The following PACRG variants were observed in gnomAD, a reference collection of about 807,000 sequenced individuals.
The protein encoded by PACRG is parkin coregulated.
Under a neutral mutation model 29.7 loss-of-function variants are expected in PACRG, and 29 were observed. That is an observed-to-expected ratio of 0.98 (90% CI 0.73 to 1.33). The LOEUF is 1.33. Ranked by LOEUF, PACRG falls within the 40% of genes most tolerant of loss-of-function variation. The pLI is 0.00. For missense variants in PACRG, 279 were observed against 316.2 expected (o/e 0.88, Z 0.89); for synonymous variants, 116 against 118.7 (o/e 0.98, Z 0.15).
chr6:162,783,601 C>G (rs181913097), intron 1 of PACRG, among the ~76,000 whole-genome samples: 261 of 152,054 alleles, frequency 1.7e-3, no homozygotes, highest in Non-Finnish European at 2.9e-3. Context: ...TTAACCAAAT[C>G]TCTATGTGGA....
intron 4 of PACRG, among the ~76,000 whole-genome samples, chr6:163,099,510 C>G (rs1157036053): frequency 2.0e-5 from 3 of 152,172 alleles, no homozygotes; most frequent in Non-Finnish European, 4.4e-5. Context: ...TTTAAGGAGG[C>G]TTCTCTATTC....
intron 2 of PACRG, among the ~76,000 whole-genome samples, chr6:163,011,075 C>G (rs1030381603): frequency 6.6e-6 from 1 of 152,096 alleles, no homozygotes; most frequent in Non-Finnish European, 1.5e-5. Flanking sequence ...TAGCTCACCT[C>G]CCCTGGAAAG....
At chr6:163,303,720 T>A (rs1168494536) in intron 4 of PACRG, among the ~76,000 whole-genome samples, 1 of 151,848 alleles carries the variant, frequency 6.6e-6, no homozygotes, top group African/African-American at 2.4e-5. Flanking sequence ...TGCTAAAAAG[T>A]AAATGGGACC....
At chr6:163,151,116 A>C (rs6455867) in intron 4 of PACRG, among the ~76,000 whole-genome samples, 1 of 152,056 alleles carries the variant, frequency 6.6e-6, no homozygotes, top group Non-Finnish European at 1.5e-5. Flanking sequence ...TTGCTTTAAC[A>C]TGACTGCAAT....
At chr6:163,187,107 T>G (rs1008424937) in intron 4 of PACRG, among the ~76,000 whole-genome samples, 1 of 152,216 alleles carries the variant, frequency 6.6e-6, no homozygotes, top group Non-Finnish European at 1.5e-5. Flanking sequence ...CCCAAATCTG[T>G]TTTTCTCAAA....
intron 4 of PACRG, chr6:163,183,431 A>G (rs1779766334): frequency 1.3e-5 from 2 of 152,230 alleles, no homozygotes; most frequent in African/African-American, 4.8e-5. Context: ...GAAGATGAGC[A>G]GGGAGTGAAG....
chr6:163,260,833 A>G (rs1484458663), intron 4 of PACRG, among the ~76,000 whole-genome samples: 1 of 152,112 alleles, frequency 6.6e-6, no homozygotes, highest in Non-Finnish European at 1.5e-5. Flanking sequence ...TAACCCTTCC[A>G]TGCTCGTTCC....
At chr6:162,837,784 A>G (rs1454917518) in intron 2 of PACRG, among the ~76,000 whole-genome samples, 5 of 152,294 alleles carry the variant, frequency 3.3e-5, no homozygotes, top group African/African-American at 1.2e-4. Flanking sequence ...TAAAAACTAG[A>G]GGGGCCTCAC....
chr6:163,174,572 A>G (rs1351491102), intron 4 of PACRG, among the ~76,000 whole-genome samples: 1 of 152,212 alleles, frequency 6.6e-6, no homozygotes, highest in East Asian at 1.9e-4. Context: ...AACCATACCA[A>G]AGCCATTGCT....
chr6:163,237,135 C>A (rs569280557), intron 4 of PACRG, among the ~76,000 whole-genome samples: 1 of 152,012 alleles, frequency 6.6e-6, no homozygotes, highest in African/African-American at 2.4e-5. Flanking sequence ...TTTTGAGATA[C>A]GTAATGTGTA....
At chr6:162,937,498 C>A (rs1043623234) in intron 2 of PACRG, among the ~76,000 whole-genome samples, 1 of 152,140 alleles carries the variant, frequency 6.6e-6, no homozygotes, top group East Asian at 1.9e-4. Context: ...AGCTTGTCCA[C>A]AGGCGGTGAG....
At chr6:163,043,358 C>T (rs909572045) in intron 2 of PACRG, among the ~76,000 whole-genome samples, 3 of 152,108 alleles carry the variant, frequency 2.0e-5, no homozygotes, top group African/African-American at 7.2e-5. Context: ...GAGTTTGAGA[C>T]CAACCTGGCC....
In PACRG at chr6:162,951,020, T is replaced by G. The variant is rs1470284811; in HGVS notation, c.292-111130T>G. Among the ~76,000 whole-genome samples, 9 of 152,220 alleles carry G rather than the reference T, an allele frequency of 5.9e-5. 1 individual carries two copies. In the South Asian group the frequency reaches 6.2e-4, roughly 10 times the overall value. ...TATGAGATGAAGGATTTTACCCTCTTCAGGTGAAATTGAATCTTGTATGTA... is the reference window on the plus strand; with the variant it reads ...TATGAGATGAAGGATTTTACCCTCTGCAGGTGAAATTGAATCTTGTATGTA... On this transcript the variant is annotated intron_variant, in intron 2 of 4. Transcript: ENST00000366888.
intron 4 of PACRG, among the ~76,000 whole-genome samples, chr6:163,224,368 C>CTCAAAAAAAAAA (rs1781702738): frequency 2.1e-5 from 1 of 47,280 alleles, no homozygotes; most frequent in South Asian, 1.5e-3. Flanking sequence ...GACTCCATCT[C>CTCAAAAAAAAAA]AAAAAAAAAA....
intron 4 of PACRG, among the ~76,000 whole-genome samples, chr6:163,228,379 C>CAAAAAAAAAA (rs11362557): frequency 1.5e-5 from 1 of 68,166 alleles, no homozygotes. Context: ...TTTAAGCAGG[C>CAAAAAAAAAA]AAAAAAAAAA....
intron 4 of PACRG, among the ~76,000 whole-genome samples, chr6:163,193,827 A>G (rs1463361943): frequency 6.6e-6 from 1 of 151,968 alleles, no homozygotes; most frequent in East Asian, 1.9e-4. Flanking sequence ...CATATTGGAG[A>G]AAACATAGAA....
chr6:163,228,197 T>C (rs1394545478), intron 4 of PACRG, among the ~76,000 whole-genome samples: 2 of 151,918 alleles, frequency 1.3e-5, no homozygotes, highest in African/African-American at 4.8e-5. Flanking sequence ...TCCATGACCC[T>C]CCAGGAATTT....
At position 162,785,395 on chromosome 6, in the gene PACRG, A is replaced by G. The variant is rs997590438; in HGVS notation, c.157-28752A>G. 8.5e-5 allele frequency among the ~76,000 whole-genome samples: 13 copies of G among 152,202 alleles called. No individual in the cohort carries two copies. The East Asian group carries it at 9.6e-4, about 11-fold the overall frequency. ...TAAAAAAGCCTTCCCTTAATTTCCT[A>G]TACAAACCCTTGGATCTTTAAACTT... On this transcript the variant is annotated intron_variant, in intron 1 of 4. Coordinates refer to ENST00000366888, the MANE Select transcript of PACRG (RefSeq NM_001080379.2).
chr6:163,214,274 G>A (rs1207102115), intron 4 of PACRG, among the ~76,000 whole-genome samples: 3 of 152,112 alleles, frequency 2.0e-5, no homozygotes, highest in Non-Finnish European at 2.9e-5. Flanking sequence ...CATGTGGCTA[G>A]TGGCTACCAT....
Sources: allele counts gnomAD v4.1 joint callset (sites outside exome capture counted in the v4.1 genomes callset), GRCh38; gene constraint gnomAD v4.1.1; transcripts MANE v1.5; gene names NCBI Gene and HGNC (gene_info 2026-07-23, HGNC 2026-07-21).